The following FBXL7 variants were observed in gnomAD, a reference collection of about 807,000 sequenced individuals.
The protein encoded by FBXL7 is F-box and leucine rich repeat protein 7.
Under a neutral mutation model 38.3 loss-of-function variants are expected in FBXL7, and 12 were observed. That is an observed-to-expected ratio of 0.31 (90% CI 0.20 to 0.51). FBXL7 has a LOEUF of 0.51. Among genes scored for constraint, FBXL7 ranks in the 20% least tolerant of loss-of-function variants. The pLI is 0.98. For missense variants in FBXL7, 567 were observed against 676.4 expected (o/e 0.84, Z 1.79); for synonymous variants, 297 against 300.9 (o/e 0.99, Z 0.13).
intron 2 of FBXL7, among the ~76,000 whole-genome samples, chr5:15,849,883 C>T (rs189171601): frequency 9.2e-5 from 14 of 152,234 alleles, no homozygotes; most frequent in African/African-American, 3.1e-4. Context: ...TTATTAAGAA[C>T]TCCTTCAATT....
At chr5:15,876,732 T>C (rs565526627) in intron 2 of FBXL7, among the ~76,000 whole-genome samples, 2 of 152,354 alleles carry the variant, frequency 1.3e-5, no homozygotes, top group African/African-American at 4.8e-5. Context: ...TAAGTTCCAC[T>C]TATGGGAGCT....
intron 2 of FBXL7, among the ~76,000 whole-genome samples, chr5:15,746,712 T>A (rs973637097): frequency 6.6e-6 from 1 of 152,134 alleles, no homozygotes; most frequent in Admixed American, 6.5e-5. Flanking sequence ...TATTTAAAGT[T>A]ATGGACTAGA....
chr5:15,573,326 G>T (rs1434200463), intron 1 of FBXL7, among the ~76,000 whole-genome samples: 1 of 152,134 alleles, frequency 6.6e-6, no homozygotes, highest in Non-Finnish European at 1.5e-5. Context: ...CCTGTTTAGA[G>T]AACTAGAGAG....
chr5:15,651,180 TC>T (rs1264337912), intron 2 of FBXL7, among the ~76,000 whole-genome samples: 3 of 151,594 alleles, frequency 2.0e-5, no homozygotes, highest in African/African-American at 7.3e-5. Context: ...CACTGCAACT[TC>T]CACCTCATGG....
In FBXL7 at chr5:15,924,525, T is replaced by C. The variant is rs75233648; in HGVS notation, c.128-3365T>C. On this transcript the variant is annotated intron_variant, in intron 2 of 3. Coordinates refer to ENST00000504595, the MANE Select transcript of FBXL7 (RefSeq NM_012304.5). ...AACATTGTTTATGCTAGCTCATGCA[T>C]CTGTGGTTCATCTGGGTATTGGCTG... is the stretch of plus-strand genomic sequence containing the variant. Among the ~76,000 whole-genome samples the C allele has an allele frequency of 7.2e-3, 1,095 of 152,286 alleles. 10 individuals are homozygous for C. Among genetic ancestry groups the C allele is most frequent in the African/African-American group, 0.024 (1,014 of 41,552 alleles).
chr5:15,872,198 G>A (rs762415007), intron 2 of FBXL7, among the ~76,000 whole-genome samples: 3 of 152,040 alleles, frequency 2.0e-5, no homozygotes, highest in African/African-American at 2.4e-5. Flanking sequence ...ATAAGCAAAG[G>A]AGAAATAAAA....
intron 1 of FBXL7, among the ~76,000 whole-genome samples, chr5:15,614,000 A>T (rs755756481): frequency 7.2e-5 from 11 of 152,146 alleles, no homozygotes; most frequent in Non-Finnish European, 1.2e-4. Flanking sequence ...TCATAAGGGC[A>T]CTAAGCAGAG....
chr5:15,821,754 C>T (rs945215088), intron 2 of FBXL7, among the ~76,000 whole-genome samples: 2 of 152,208 alleles, frequency 1.3e-5, no homozygotes, highest in Middle Eastern at 3.2e-3. Context: ...AGAGCCCTCA[C>T]TCATCCCCAC....
At chr5:15,772,269 C>T (rs1736748977) in intron 2 of FBXL7, among the ~76,000 whole-genome samples, 1 of 152,162 alleles carries the variant, frequency 6.6e-6, no homozygotes, top group African/African-American at 2.4e-5. Flanking sequence ...AGATGTCAGG[C>T]ACAGTTTACA....
At chr5:15,894,172 C>G (rs1741022272) in intron 2 of FBXL7, among the ~76,000 whole-genome samples, 2 of 152,204 alleles carry the variant, frequency 1.3e-5, no homozygotes, top group Admixed American at 1.3e-4. Flanking sequence ...CTCACTTGCT[C>G]CTCGCTTGAA....
At chr5:15,685,809 TG>T (rs1742999223) in intron 2 of FBXL7, among the ~76,000 whole-genome samples, 1 of 152,226 alleles carries the variant, frequency 6.6e-6, no homozygotes, top group South Asian at 2.1e-4. Flanking sequence ...CTTAGCAGTA[TG>T]CCTGGCACAC....
intron 1 of FBXL7, among the ~76,000 whole-genome samples, chr5:15,541,051 TGTG>T (rs1003798887): frequency 7.1e-5 from 9 of 126,816 alleles, no homozygotes; most frequent in Non-Finnish European, 1.1e-4. Context: ...TGTGTCGGAA[TGTG>T]TGTGTGTGTG....
chr5:15,732,904 A>G (rs1291387817), intron 2 of FBXL7, among the ~76,000 whole-genome samples: 1 of 152,136 alleles, frequency 6.6e-6, no homozygotes, highest in African/African-American at 2.4e-5. Flanking sequence ...TAGCTTCACT[A>G]TTCATTTAGT....
chr5:15,936,855 A>G lies in FBXL7; in HGVS notation c.1145A>G (p.Asn382Ser), dbSNP rs779828817. 1.9e-6 allele frequency: 3 copies of G among 1,613,688 alleles called. No individual in the cohort carries two copies. Among genetic ancestry groups the G allele is most frequent in the Non-Finnish European group, 2.5e-6 (3 of 1,179,830 alleles). ...TACTGCAGCAAGCTGCGCTACCTCA[A>G]CGCGAGGGGCTGCGAGGGCATCACG... ...AKYCSKLRYL[N>S]ARGCEGITDH... Residue 382 changes from asparagine to serine, a missense_variant, in exon 4 of 4, where the codon AAC becomes AGC. Asn to Ser is a conservative substitution (Grantham distance 46, BLOSUM62 1). Coordinates refer to ENST00000504595, the MANE Select transcript of FBXL7 (RefSeq NM_012304.5). This position sits in a 1 kb window ranked among gnomAD's most constrained non-coding sequence, Gnocchi z 6.0.
At chr5:15,518,442 C>T (rs1381513770) in intron 1 of FBXL7, among the ~76,000 whole-genome samples, 1 of 152,142 alleles carries the variant, frequency 6.6e-6, no homozygotes, top group Non-Finnish European at 1.5e-5. Flanking sequence ...CTCTCGATAC[C>T]CTAGCAGTGA....
intron 2 of FBXL7, among the ~76,000 whole-genome samples, chr5:15,790,161 GTCAA>G (rs1170720783): frequency 6.6e-6 from 1 of 152,148 alleles, no homozygotes; most frequent in Non-Finnish European, 1.5e-5. Flanking sequence ...TGTTGTTACA[GTCAA>G]TCTATCCTTG....
chr5:15,764,771 T>C (rs988669435), intron 2 of FBXL7, among the ~76,000 whole-genome samples: 4 of 152,240 alleles, frequency 2.6e-5, no homozygotes, highest in Non-Finnish European at 2.9e-5. Flanking sequence ...CTGGGAAAAT[T>C]ACTCTTAGTT....
intron 2 of FBXL7, among the ~76,000 whole-genome samples, chr5:15,725,577 A>T (rs890713713): frequency 6.6e-5 from 10 of 152,182 alleles, no homozygotes; most frequent in African/African-American, 2.4e-4. Context: ...CTGTCCTGCA[A>T]AATGTCCCAT....
At chr5:15,752,980 T>TA (rs1487754613) in intron 2 of FBXL7, among the ~76,000 whole-genome samples, 2 of 152,218 alleles carry the variant, frequency 1.3e-5, no homozygotes, top group African/African-American at 4.8e-5. Flanking sequence ...ATGTTGACGT[T>TA]AGGGCAAAGT....
Sources: allele counts gnomAD v4.1 joint callset (sites outside exome capture counted in the v4.1 genomes callset), GRCh38; gene constraint gnomAD v4.1.1; non-coding constraint Gnocchi (gnomAD v3.1); transcripts MANE v1.5; gene names NCBI Gene and HGNC (gene_info 2026-07-23, HGNC 2026-07-21).